The following IPO11 variants were observed in gnomAD, a reference collection of about 807,000 sequenced individuals.
The protein encoded by IPO11 is importin 11, also known as importin-11.
Under a neutral mutation model 143.2 loss-of-function variants are expected in IPO11, and 66 were observed. The ratio of observed to expected loss-of-function variants is 0.46; its 90% CI spans 0.38 to 0.57. The LOEUF (loss-of-function observed/expected upper bound fraction) is 0.57, where lower values mean the gene tolerates loss of function less well. Among genes scored for constraint, IPO11 ranks in the 20% least tolerant of loss-of-function variants. The pLI, the probability that IPO11 is intolerant of heterozygous loss-of-function variation, is 0.00. For synonymous variants in IPO11, 385 were observed against 377.8 expected (o/e 1.02, Z -0.22); for missense variants, 1,026 against 1,141.0 (o/e 0.90, Z 1.45).
At chr5:62,428,436 C>T (rs1000606189) in intron 1 of IPO11, among the ~76,000 whole-genome samples, 2 of 152,040 alleles carry the variant, frequency 1.3e-5, no homozygotes, top group South Asian at 2.1e-4. Flanking sequence ...CTCCGCCTCC[C>T]GGGTTCATGG....
intron 29 of IPO11, among the ~76,000 whole-genome samples, chr5:62,611,425 G>A (rs955731873): frequency 9.9e-5 from 15 of 152,160 alleles, no homozygotes; most frequent in African/African-American, 3.6e-4. Context: ...ATCCTTCACA[G>A]TAGGCTACAT....
At chr5:62,624,059 A>T (rs1376146979) in intron 29 of IPO11, among the ~76,000 whole-genome samples, 4 of 151,098 alleles carry the variant, frequency 2.6e-5, no homozygotes, top group Admixed American at 2.0e-4. Context: ...TTTGAGACAG[A>T]GTTTTGCTCT....
rs1054570457 is a variant in IPO11 at position 62,437,694 on chromosome 5, G to C, written c.138+277G>C. 2.6e-5 allele frequency among the ~76,000 whole-genome samples: 4 copies of C among 152,270 alleles called. No homozygotes were observed. In the South Asian group the frequency reaches 8.3e-4, roughly 32 times the overall value. ...AGTACGTTAAAAGTGTCTACTATCA[G>C]GACTCTAGGTAGCACTCTTTCATAT... On this transcript the variant is annotated intron_variant, in intron 2 of 29. Coordinates refer to ENST00000325324, the MANE Select transcript of IPO11 (RefSeq NM_016338.5).
intron 2 of IPO11, among the ~76,000 whole-genome samples, chr5:62,438,258 T>C (rs1190096437): frequency 1.3e-5 from 2 of 152,212 alleles, no homozygotes; most frequent in Non-Finnish European, 2.9e-5. Context: ...GAAGAAGATA[T>C]TGTTCATGAC....
At chr5:62,452,263 T>TA (rs544304049) in intron 5 of IPO11, among the ~76,000 whole-genome samples, 1 of 150,854 alleles carries the variant, frequency 6.6e-6, no homozygotes, top group African/African-American at 2.5e-5. Context: ...TAAAATAAAA[T>TA]AAAAAAAGAA....
intron 24 of IPO11, among the ~76,000 whole-genome samples, chr5:62,538,069 G>T (rs953447206): frequency 3.3e-5 from 5 of 152,116 alleles, no homozygotes; most frequent in African/African-American, 1.2e-4. Flanking sequence ...TATTTTTAGT[G>T]TTGAGGTTCT....
chr5:62,505,559 T>C (rs1284768314), intron 18 of IPO11, among the ~76,000 whole-genome samples: 1 of 152,098 alleles, frequency 6.6e-6, no homozygotes, highest in Admixed American at 6.6e-5. Context: ...CATTTTTGGA[T>C]GAAAGAAATG....
intron 27 of IPO11, among the ~76,000 whole-genome samples, chr5:62,586,024 C>A (rs1203053581): frequency 6.6e-6 from 1 of 152,056 alleles, no homozygotes; most frequent in African/African-American, 2.4e-5. Context: ...GGGAGGCACT[C>A]ATAAGTTTGG....
At position 62,523,494 on chromosome 5, in the gene IPO11, T is replaced by A. The variant is rs574642474; in HGVS notation, c.1897-2648T>A. The stretch of plus-strand genomic sequence containing the variant: ...CTGAGGACACTAGTTTGGAAGTGGG[T>A]AAAACTAAGGTCAAATAGACTAGGA... On this transcript the variant is annotated intron_variant, in intron 20 of 29. Transcript: ENST00000325324. Among the ~76,000 whole-genome samples, 243 of 151,820 alleles carry A rather than the reference T, an allele frequency of 1.6e-3. 6 individuals carry two copies. The highest frequency in any genetic ancestry group is 8.1e-4 in the Non-Finnish European group (55 of 67,980).
At position 62,601,760 on chromosome 5, in the gene IPO11, A is replaced by T. The variant is rs771502873; in HGVS notation, c.2679-4A>T. 6.7e-7 allele frequency: 1 copy of T among 1,503,222 alleles called. No individual in the cohort carries two copies. Among genetic ancestry groups the T allele is most frequent in the South Asian group, 1.4e-5 (1 of 73,750 alleles). 93.1% of individuals were successfully genotyped at this position (1,503,222 alleles called of 1,614,324 possible). ...AAAACATGTTTTTTAAAAAATTATT[A>T]TAGCTGTATGTTGATGTCTCATCTT... On this transcript the variant is annotated splice_region_variant and splice_polypyrimidine_tract_variant and intron_variant, in intron 28 of 29. Coordinates refer to ENST00000325324, the MANE Select transcript of IPO11 (RefSeq NM_016338.5).
At chr5:62,459,720 T>G (rs551794783) in intron 5 of IPO11, among the ~76,000 whole-genome samples, 55 of 152,250 alleles carry the variant, frequency 3.6e-4, no homozygotes, top group African/African-American at 1.3e-3. Context: ...CTGGTTAATT[T>G]TGTATTTTTA....
intron 1 of IPO11, among the ~76,000 whole-genome samples, chr5:62,434,294 T>A (rs929071561): frequency 2.9e-5 from 4 of 140,066 alleles, no homozygotes; most frequent in African/African-American, 9.9e-5. Context: ...TCAGTTGCAG[T>A]CAGTCTTTTT....
At chr5:62,433,889 C>G (rs1030404667) in intron 1 of IPO11, among the ~76,000 whole-genome samples, 2 of 151,058 alleles carry the variant, frequency 1.3e-5, no homozygotes, top group Non-Finnish European at 2.9e-5. Context: ...AAGGCTGTGA[C>G]TTTTATCTTT....
intron 2 of IPO11, among the ~76,000 whole-genome samples, chr5:62,442,473 G>C (rs1744520777): frequency 6.6e-6 from 1 of 152,094 alleles, no homozygotes; most frequent in Non-Finnish European, 1.5e-5. Flanking sequence ...CAACTGAGCA[G>C]GTGTACTTCT....
At chr5:62,437,193 GC>G in intron 1 of IPO11, 80 bp from the exon 2 acceptor site, 2 of 1,150,212 alleles carry the variant, frequency 1.7e-6, no homozygotes, top group South Asian at 3.7e-5. Flanking sequence ...GAACATGAAA[GC>G]TTTTTGTCTC....
intron 3 of IPO11, among the ~76,000 whole-genome samples, chr5:62,444,348 T>A (rs984263479): frequency 6.6e-6 from 1 of 152,016 alleles, no homozygotes; most frequent in Admixed American, 6.6e-5. Flanking sequence ...CGCCTTGGCC[T>A]CCCAAAGTGC....
At chr5:62,523,921 C>T (rs1026066723) in intron 20 of IPO11, among the ~76,000 whole-genome samples, 1 of 125,204 alleles carries the variant, frequency 8.0e-6, no homozygotes, top group Non-Finnish European at 1.8e-5. Flanking sequence ...TTAAACTTTT[C>T]TTCTGTGGAA....
chr5:62,583,451 A>AT (rs1187592630), intron 27 of IPO11, among the ~76,000 whole-genome samples: 2 of 152,110 alleles, frequency 1.3e-5, no homozygotes, highest in Admixed American at 1.3e-4. Context: ...ATCTATCAAA[A>AT]TTTTTGCTTT....
intron 5 of IPO11, 26 bp from the exon 6 acceptor site, chr5:62,467,105 A>G: frequency 6.3e-7 from 1 of 1,595,928 alleles, no homozygotes; most frequent in East Asian, 2.2e-5. Flanking sequence ...TACACTATGA[A>G]TAAATTTGTT....
Sources: allele counts gnomAD v4.1 joint callset (sites outside exome capture counted in the v4.1 genomes callset), GRCh38; gene constraint gnomAD v4.1.1; transcripts MANE v1.5; gene names NCBI Gene and HGNC (gene_info 2026-07-23, HGNC 2026-07-21).